Variants in NFATC2 observed in about 807,000 individuals in gnomAD.
NFATC2 encodes nuclear factor of activated T-cells, cytoplasmic 2.
Under a neutral mutation model 87.3 loss-of-function variants are expected in NFATC2, and 22 were observed. The ratio of observed to expected loss-of-function variants is 0.25; its 90% CI spans 0.18 to 0.36. The LOEUF is 0.36. Ranked by LOEUF, NFATC2 falls within the 10% of genes least tolerant of loss-of-function variation. The pLI is 1.00. For missense variants in NFATC2, 1,149 were observed against 1,259.1 expected (o/e 0.91, Z 1.32); for synonymous variants, 565 against 542.2 (o/e 1.04, Z -0.58).
At chr20:51,521,564 G>T (rs1406262849) in intron 2 of NFATC2, among the ~76,000 whole-genome samples, 1 of 152,122 alleles carries the variant, frequency 6.6e-6, no homozygotes, top group Admixed American at 6.5e-5. Flanking sequence ...CAGGTGATTC[G>T]CCCACCTCGG....
In NFATC2 at chr20:51,388,449, GGTTTTTGTTTC is replaced by G. The variant is rs1985995568; in HGVS notation, c.*3036_*3046del. 6.6e-6 allele frequency: 1 copy of G among 151,834 alleles called. No homozygotes were observed. The highest frequency in any genetic ancestry group is 6.6e-5 in the Admixed American group (1 of 15,234). 9.4% of individuals were successfully genotyped at this position (151,834 alleles called of 1,614,324 possible). ...CTCTGAGTGGGGGTTTTATTATATG[GGTTTTTGTTTC>G]CTGGAATGAGTAACAAATGTTTCAA... On this transcript the variant is annotated 3_prime_UTR_variant, in exon 11 of 11. Coordinates refer to ENST00000371564, the MANE Select transcript of NFATC2 (RefSeq NM_012340.5).
chr20:51,461,565 G>C (rs1987151470), intron 5 of NFATC2, among the ~76,000 whole-genome samples: 1 of 152,214 alleles, frequency 6.6e-6, no homozygotes, highest in Non-Finnish European at 1.5e-5. Context: ...GGTTTAACCA[G>C]TTTGGGTGTT....
In NFATC2 at chr20:51,432,246, G is replaced by C; in HGVS notation, c.2543C>G (p.Pro848Arg). 6.2e-7 allele frequency: 1 copy of C among 1,614,168 alleles called. No homozygotes were observed. Among genetic ancestry groups the C allele is most frequent in the Non-Finnish European group, 8.5e-7 (1 of 1,180,024 alleles). The change falls in exon 9 of 11, where the codon CCG (proline) becomes CGG (arginine). Residue 848 changes from proline (P) to arginine (R), a missense_variant. Pro to Arg is a moderately radical substitution (Grantham distance 103). Around this residue, in one of 3 missense-constraint regions of NFATC2, gnomAD observed 581 missense variants for 649.7 expected, o/e 0.89. Transcript: ENST00000371564. The surrounding 1 kb of genome is among the most constrained non-coding windows in gnomAD (Gnocchi z 4.6). ...GCTCAGCCTCTGACCTTGACTGACC[G>C]GGGGCGGGCCAGGTCTGGTGGTGCC... is the stretch of plus-strand genomic sequence containing the variant. Reference protein sequence around the residue: ...APGTTRPGPPPVSQGQRLSPG... With the variant: ...APGTTRPGPPRVSQGQRLSPG...
chr20:51,501,630 C>T (rs1013679349), intron 3 of NFATC2, among the ~76,000 whole-genome samples: 2 of 152,334 alleles, frequency 1.3e-5, no homozygotes, highest in East Asian at 3.9e-4. Flanking sequence ...TAAATAGCAT[C>T]CTCACCACTT....
chr20:51,412,599 C>T (rs1377920104), intron 9 of NFATC2, among the ~76,000 whole-genome samples: 1 of 152,122 alleles, frequency 6.6e-6, no homozygotes, highest in Non-Finnish European at 1.5e-5. Flanking sequence ...CTGGCCTGGT[C>T]GGGAGCACCC....
At chr20:51,434,761 C>A (rs114184763) in intron 8 of NFATC2, among the ~76,000 whole-genome samples, 2 of 152,138 alleles carry the variant, frequency 1.3e-5, no homozygotes, top group African/African-American at 4.8e-5. Flanking sequence ...ACCAGTCACT[C>A]CATTAGGCCA....
intron 1 of NFATC2, among the ~76,000 whole-genome samples, chr20:51,561,125 C>T (rs2077017336): frequency 7.1e-6 from 1 of 139,912 alleles, no homozygotes; most frequent in African/African-American, 2.7e-5. Flanking sequence ...GATACGATAT[C>T]AGTAAATTTT....
At chr20:51,398,397 A>G (rs1173818254) in intron 10 of NFATC2, among the ~76,000 whole-genome samples, 2 of 152,116 alleles carry the variant, frequency 1.3e-5, no homozygotes, top group East Asian at 1.9e-4. Flanking sequence ...CAGCCCTGGA[A>G]TCGGGGAGCA....
At chr20:51,479,214 T>C (rs1179838588) in intron 3 of NFATC2, among the ~76,000 whole-genome samples, 1 of 152,242 alleles carries the variant, frequency 6.6e-6, no homozygotes, top group African/African-American at 2.4e-5. Context: ...TAGTTAGTTA[T>C]TTGCTGAACA....
rs1405245813 is a variant in NFATC2 at position 51,542,682 on chromosome 20, C to G, written c.-183G>C. On this transcript the variant is annotated 5_prime_UTR_variant, in exon 1 of 11. Coordinates refer to ENST00000371564, the MANE Select transcript of NFATC2 (RefSeq NM_012340.5). ...CGGGTCCTGGACGCGCCCGGGGAAG[C>G]TGAGCGGCGGCGGCGACGGCGGCGC... 6.7e-6 allele frequency: 7 copies of G among 1,047,730 alleles called. No homozygotes were observed. The African/African-American group carries it at 1.1e-4, about 16-fold the overall frequency. The allele number at this position is 1,047,730 out of a possible 1,614,324, so 64.9% of individuals were successfully genotyped here. A position where few individuals can be genotyped will look rare whatever the true frequency, so the allele number is the denominator to read the frequency against.
chr20:51,478,482 T>TG (rs1383537482), intron 3 of NFATC2, among the ~76,000 whole-genome samples: 1 of 152,106 alleles, frequency 6.6e-6, no homozygotes, highest in Non-Finnish European at 1.5e-5. Context: ...AGGGAACACC[T>TG]GGAGATAAAA....
intron 6 of NFATC2, among the ~76,000 whole-genome samples, chr20:51,440,187 G>A (rs1336396258): frequency 7.4e-6 from 1 of 135,286 alleles, no homozygotes; most frequent in Admixed American, 8.2e-5. Flanking sequence ...AGTGAGCTGA[G>A]AGCATGCCAT....
chr20:51,432,117 C>T lies in NFATC2; in HGVS notation c.2672G>A (p.Gly891Glu), dbSNP rs1323516569. The T allele has an allele frequency of 3.8e-6, 6 of 1,566,300 alleles. No homozygotes were observed. Among genetic ancestry groups the T allele is most frequent in the Non-Finnish European group, 3.5e-6 (4 of 1,152,812 alleles). Residue 891 changes from glycine to glutamate, a missense_variant, in exon 9 of 11, where the codon GGG (glycine) becomes GAG (glutamate). Gly to Glu is a moderately conservative substitution (Grantham distance 98). Transcript: ENST00000371564. The surrounding 1 kb of genome is among the most constrained non-coding windows in gnomAD (Gnocchi z 4.6). ...VSDQKEVLPAGVTIKQEQNLD... is the reference protein window; with the variant it reads ...VSDQKEVLPAEVTIKQEQNLD... ...GTTCTGCTCCTGTTTAATGGTCACC[C>T]CCGCAGGTAATACTTCCTTTTGGTC...
chr20:51,527,793 A>G (rs1405036313), intron 1 of NFATC2, among the ~76,000 whole-genome samples: 1 of 152,136 alleles, frequency 6.6e-6, no homozygotes, highest in Non-Finnish European at 1.5e-5. Context: ...GGAACCAAGC[A>G]ATGCTACTTT....
chr20:51,491,916 A>C (rs1177157557), intron 3 of NFATC2, among the ~76,000 whole-genome samples: 1 of 92,182 alleles, frequency 1.1e-5, no homozygotes, highest in Non-Finnish European at 2.1e-5. Context: ...ACACACACAC[A>C]CACCCCTTGC....
chr20:51,450,610 AG>A (rs1985646931), intron 6 of NFATC2, among the ~76,000 whole-genome samples: 1 of 152,238 alleles, frequency 6.6e-6, no homozygotes, highest in Admixed American at 6.5e-5. Flanking sequence ...TTTTACAGAC[AG>A]GGAAGCTGAG....
intron 3 of NFATC2, among the ~76,000 whole-genome samples, chr20:51,498,100 A>G (rs944788116): frequency 4.6e-5 from 7 of 152,208 alleles, no homozygotes; most frequent in Non-Finnish European, 7.3e-5. Context: ...GGCCACAGAC[A>G]CGAGGGGCCG....
intron 9 of NFATC2, among the ~76,000 whole-genome samples, chr20:51,406,522 G>A (rs1480926890): frequency 4.6e-5 from 7 of 152,234 alleles, no homozygotes; most frequent in Admixed American, 4.6e-4. Context: ...AATGGTGCTG[G>A]TGTATTACAA....
At chr20:51,555,601 A>T (rs567407327) in intron 1 of NFATC2, among the ~76,000 whole-genome samples, 1 of 152,024 alleles carries the variant, frequency 6.6e-6, no homozygotes, top group African/African-American at 2.4e-5. Flanking sequence ...CTCAAAAAAA[A>T]AAAAAGATCC....
Sources: gnomAD v4.1 joint callset for allele counts (sites outside exome capture counted in the v4.1 genomes callset) on GRCh38, gnomAD v4.1.1 for gene constraint, gnomAD v4.1.1 regional missense constraint, Gnocchi (gnomAD v3.1) non-coding constraint, MANE v1.5 for transcripts, NCBI Gene and HGNC (gene_info 2026-07-23, HGNC 2026-07-21) for gene names.